Variants in IFI44 observed in about 807,000 individuals in gnomAD.
The protein encoded by IFI44 is interferon induced protein 44.
Under a neutral mutation model 45.0 loss-of-function variants are expected in IFI44, and 42 were observed. The ratio of observed to expected loss-of-function variants is 0.93; its 90% CI spans 0.73 to 1.21. The LOEUF (loss-of-function observed/expected upper bound fraction) is 1.21, where lower values mean the gene tolerates loss of function less well. IFI44 is among the 50% of genes most tolerant of loss of function. The pLI is 0.00. For synonymous variants in IFI44, 221 were observed against 188.6 expected (o/e 1.17, Z -1.41); for missense variants, 623 against 525.8 (o/e 1.18, Z -1.81).
chr1:78,656,112 T>C (rs999493184), intron 5 of IFI44, among the ~76,000 whole-genome samples: 1 of 152,182 alleles, frequency 6.6e-6, no homozygotes, highest in Non-Finnish European at 1.5e-5. Flanking sequence ...CTGAATCTTC[T>C]GGCCCCTTGA....
intron 2 of IFI44, among the ~76,000 whole-genome samples, chr1:78,653,934 A>G (rs1401167638): frequency 3.9e-5 from 6 of 152,160 alleles, no homozygotes; most frequent in Admixed American, 3.9e-4. Flanking sequence ...TATTTAGAAA[A>G]CACCCACAGC....
chr1:78,659,444 G>A lies in IFI44; in HGVS notation c.973G>A (p.Val325Ile), dbSNP rs1647326976. The part of the protein sequence containing the change: ...SIQYFSSQMI[V>I]KIKRIRRELV... The stretch of plus-strand genomic sequence containing the variant: ...TCAATACTTCTCCTCTCAGATGATA[G>A]TAAAGATCAAAAGAATTCGAAGGGA... Residue 325 changes from valine to isoleucine, a missense_variant, in exon 6 of 9, where the codon GTA (valine) becomes ATA (isoleucine). Transcript: ENST00000370747. 1 of 1,613,400 alleles carries A rather than the reference G, an allele frequency of 6.2e-7. No homozygotes were observed. Among genetic ancestry groups the A allele is most frequent in the Non-Finnish European group, 8.5e-7 (1 of 1,179,548 alleles).
intron 7 of IFI44, chr1:78,660,867 A>G (rs1647410861): frequency 1.9e-6 from 1 of 540,158 alleles, no homozygotes; most frequent in Non-Finnish European, 3.3e-6. Flanking sequence ...ATTGTTACCA[A>G]AATCTGTGGA....
At chr1:78,659,160 T>C (rs1647310925) in intron 5 of IFI44, 152 bp from the exon 6 acceptor site, 2 of 599,374 alleles carry the variant, frequency 3.3e-6, no homozygotes, top group East Asian at 2.8e-5. Context: ...ACTTGCATAA[T>C]GCCTGTCTTC....
intron 2 of IFI44, 24 bp from the exon 3 acceptor site, chr1:78,654,219 A>G (rs372668310): frequency 6.0e-6 from 8 of 1,328,984 alleles, no homozygotes; most frequent in South Asian, 1.2e-5. Context: ...TCTAATCTAC[A>G]TTATTCTTTG....
intron 4 of IFI44, 43 bp from the exon 5 acceptor site, chr1:78,655,319 A>C (rs781396692): frequency 6.4e-7 from 1 of 1,563,540 alleles, no homozygotes; most frequent in South Asian, 1.2e-5. Context: ...CTCAATTTAT[A>C]ATAAAAAATG....
chr1:78,659,528 A>G, intron 6 of IFI44, 45 bp downstream of exon 6: 5 of 1,465,128 alleles, frequency 3.4e-6, no homozygotes, highest in Non-Finnish European at 4.7e-6. Flanking sequence ...ACTAAGGGTA[A>G]TTGACTAGAC....
rs1647183771 is a variant in IFI44 at position 78,655,014 on chromosome 1, G to A, written c.495G>A (p.Glu165=). 6.2e-7 allele frequency: 1 copy of A among 1,609,422 alleles called. No individual in the cohort carries two copies. The highest frequency in any genetic ancestry group is 8.5e-7 in the Non-Finnish European group (1 of 1,177,730). ...LDERKIKGVI[E]LRKSLLSALR... is the part of the protein sequence containing the mutation. ...GTTAAAAACGGTCATGTCTAAACAGGCTCAGGAAGAGCTTACTGTCTGCCT... is the reference window on the plus strand; with the variant it reads ...GTTAAAAACGGTCATGTCTAAACAGACTCAGGAAGAGCTTACTGTCTGCCT... Residue 165 remains glutamate, a splice_region_variant and synonymous_variant, in exon 4 of 9, where the codon GAG becomes GAA. Transcript: ENST00000370747.
chr1:78,661,526 A>C (rs962056695), intron 7 of IFI44, among the ~76,000 whole-genome samples: 2 of 152,104 alleles, frequency 1.3e-5, no homozygotes, highest in Admixed American at 1.3e-4. Context: ...ATTATCTTTA[A>C]GGTTGAGCCA....
At position 78,655,200 on chromosome 1, in the gene IFI44, A is replaced by G. The variant is rs1647186919; in HGVS notation, c.681A>G (p.Ile227Met). ...TGGTGGGCACTAATACAACTGGGATATCTGAGAAGGTAAGCACATTTGAGG... is the reference window on the plus strand; with the variant it reads ...TGGTGGGCACTAATACAACTGGGATGTCTGAGAAGGTAAGCACATTTGAGG... ...QALVGTNTTGISEKYRTYSIR... is the reference protein window; with the variant it reads ...QALVGTNTTGMSEKYRTYSIR... The change falls in exon 4 of 9, where the codon ATA (isoleucine) becomes ATG (methionine). Residue 227 changes from isoleucine to methionine, a missense_variant. Physicochemically the swap from Ile to Met is conservative, Grantham distance 10. Coordinates refer to ENST00000370747, the MANE Select transcript of IFI44 (RefSeq NM_006417.5). The G allele has an allele frequency of 6.2e-7, 1 of 1,613,142 alleles. No individual in the cohort carries two copies. The highest frequency in any genetic ancestry group is 1.7e-5 in the Admixed American group (1 of 59,864).
chr1:78,659,992 C>A (rs1238571950), intron 6 of IFI44, among the ~76,000 whole-genome samples: 1 of 152,142 alleles, frequency 6.6e-6, no homozygotes, highest in Non-Finnish European at 1.5e-5. Context: ...CTTGTCATAT[C>A]CACTTTGAGT....
rs775708116 is a variant in IFI44, at chr1:78,655,175, T to C, written c.656T>C (p.Leu219Ser). ...VFQGHVTHQA[L>S]VGTNTTGISE... ...CAAGGGCATGTAACGCATCAGGCTT[T>C]GGTGGGCACTAATACAACTGGGATA... The change falls in exon 4 of 9, where the codon TTG becomes TCG. Residue 219 changes from leucine (L) to serine (S), a missense_variant. By Grantham distance (145) the Leu-to-Ser change is moderately radical (BLOSUM62 -2). Transcript: ENST00000370747. 6.2e-7 allele frequency: 1 copy of C among 1,613,828 alleles called. No individual in the cohort carries two copies. Among genetic ancestry groups the C allele is most frequent in the Non-Finnish European group, 8.5e-7 (1 of 1,179,868 alleles).
chr1:78,663,737 T>G (rs1304235614), intron 8 of IFI44, 28 bp from the exon 9 acceptor site: 6 of 1,608,772 alleles, frequency 3.7e-6, no homozygotes, highest in African/African-American at 1.3e-5. Context: ...GATAATCCAC[T>G]AAGAATATTT....
chr1:78,656,621 G>C (rs1279218392), intron 5 of IFI44, among the ~76,000 whole-genome samples: 1 of 151,338 alleles, frequency 6.6e-6, no homozygotes, highest in Non-Finnish European at 1.5e-5. Flanking sequence ...ACTCCTATTT[G>C]TTTTTCTTGG....
At chr1:78,654,761 C>T (rs1647180851) in intron 3 of IFI44, among the ~76,000 whole-genome samples, 1 of 151,830 alleles carries the variant, frequency 6.6e-6, no homozygotes, top group Admixed American at 6.6e-5. Context: ...ACAGCTATTA[C>T]TTATCTTTAG....
At chr1:78,656,188 A>G (rs1388972714) in intron 5 of IFI44, among the ~76,000 whole-genome samples, 2 of 152,174 alleles carry the variant, frequency 1.3e-5, no homozygotes, top group African/African-American at 4.8e-5. Flanking sequence ...CCCGATCTGT[A>G]TAATGTGTCA....
In IFI44 at chr1:78,650,377, T is replaced by C. The variant is rs1210190570; in HGVS notation, c.182T>C (p.Ile61Thr). Residue 61 changes from isoleucine (I) to threonine (T), a missense_variant, in exon 2 of 9, where the codon ATT (isoleucine) becomes ACT (threonine). Transcript: ENST00000370747. Reference protein sequence around the residue: ...LTVIYSEDHIIGAYAEESYQE... With the variant: ...LTVIYSEDHITGAYAEESYQE... Reference sequence around the variant, plus strand: ...GTGATTTATAGTGAAGATCATATTATTGGAGCATATGCAGAAGAGAGTTAC... The same window carrying C: ...GTGATTTATAGTGAAGATCATATTACTGGAGCATATGCAGAAGAGAGTTAC... 1.2e-6 allele frequency: 2 copies of C among 1,613,956 alleles called. No individual in the cohort carries two copies. The highest frequency in any genetic ancestry group is 8.5e-7 in the Non-Finnish European group (1 of 1,179,970).
Position 78,662,804 on chromosome 1 carries a change from T to G in IFI44, c.1214T>G (p.Leu405Arg). Residue 405 changes from leucine (L) to arginine (R), a missense_variant, in exon 8 of 9, where the codon CTA (leucine) becomes CGA (arginine). Leu to Arg is a moderately radical substitution (Grantham distance 102). Transcript: ENST00000370747. The stretch of plus-strand genomic sequence containing the variant: ...GAGCTGGACCCTGTAAAGGATGTTC[T>G]AATTCTTTCTGCTCTGAGACGAATG... ...EWELDPVKDV[L>R]ILSALRRMLW... The G allele has an allele frequency of 6.2e-7, 1 of 1,614,014 alleles. No individual in the cohort carries two copies. The highest frequency in any genetic ancestry group is 1.7e-5 in the Admixed American group (1 of 59,996).
chr1:78,656,702 T>C (rs1359365357), intron 5 of IFI44, among the ~76,000 whole-genome samples: 2 of 151,272 alleles, frequency 1.3e-5, no homozygotes. Flanking sequence ...TTTGATTTCT[T>C]GTTGTTTAGA....
Sources: allele counts gnomAD v4.1 joint callset (sites outside exome capture counted in the v4.1 genomes callset), GRCh38; gene constraint gnomAD v4.1.1; transcripts MANE v1.5; gene names NCBI Gene and HGNC (gene_info 2026-07-23, HGNC 2026-07-21).